The following CSMD1 variants were observed in gnomAD, a reference collection of about 807,000 sequenced individuals.
CSMD1 encodes CUB and Sushi multiple domains 1, also known as CUB and sushi domain-containing protein 1.
In CSMD1, 213 loss-of-function variants were observed where a neutral mutation model predicts 417.5. The ratio of observed to expected loss-of-function variants is 0.51; its 90% CI spans 0.46 to 0.57. The LOEUF (loss-of-function observed/expected upper bound fraction) is 0.57. Ranked by LOEUF, CSMD1 falls within the 20% of genes least tolerant of loss-of-function variation. CSMD1 has a pLI of 0.00. For missense variants in CSMD1, 6,923 were observed against 4,529.7 expected, an observed-to-expected ratio of 1.53 and a Z score of -15.17; for synonymous variants, 2,862 against 1,736.8, an observed-to-expected ratio of 1.65 and a Z score of -16.11.
chr8:3,328,128 A>G (rs1806654327), intron 23 of CSMD1, among the ~76,000 whole-genome samples: 1 of 152,158 alleles, frequency 6.6e-6, no homozygotes, highest in Non-Finnish European at 1.5e-5. Context: ...TTGTGATTCA[A>G]TGTCAAAATC....
intron 68 of CSMD1, among the ~76,000 whole-genome samples, chr8:2,945,697 C>A (rs114939247): frequency 0.016 from 2,375 of 152,238 alleles, 32 homozygotes; most frequent in Non-Finnish European, 0.019. Context: ...CCTCCGTTCC[C>A]TTCTCTTCCC....
intron 3 of CSMD1, among the ~76,000 whole-genome samples, chr8:4,164,152 A>C (rs182685676): frequency 2.6e-4 from 39 of 152,266 alleles, no homozygotes; most frequent in Non-Finnish European, 5.3e-4. Context: ...CTTAAAATGT[A>C]ATCATTAGAT....
intron 2 of CSMD1, among the ~76,000 whole-genome samples, chr8:4,553,628 C>T (rs944727395): frequency 2.6e-5 from 4 of 151,980 alleles, no homozygotes; most frequent in Admixed American, 6.6e-5. Flanking sequence ...TTAGCTCTAC[C>T]AATATAGCAT....
intron 2 of CSMD1, among the ~76,000 whole-genome samples, chr8:4,574,546 G>T (rs1484657429): frequency 6.6e-6 from 1 of 152,168 alleles, no homozygotes; most frequent in Non-Finnish European, 1.5e-5. Context: ...ACTGGGAGCT[G>T]CAGACGGGAG....
chr8:4,043,103 A>G lies in CSMD1; in HGVS notation c.416-11004T>C, dbSNP rs1183019391. Among the ~76,000 whole-genome samples, 4 of 152,134 alleles carry G rather than the reference A, an allele frequency of 2.6e-5. No homozygotes were observed. In the East Asian group the frequency reaches 5.8e-4, roughly 22 times the overall value. On this transcript the variant is annotated intron_variant, in intron 3 of 69. Coordinates refer to ENST00000635120, the MANE Select transcript of CSMD1 (RefSeq NM_033225.6). ...GCGGAAATTGCACCACTGCACTTCC[A>G]GCCTGGGTGAGACAGTGAGACTCTG...
chr8:4,905,220 C>T (rs772945744), intron 1 of CSMD1, among the ~76,000 whole-genome samples: 1 of 152,108 alleles, frequency 6.6e-6, no homozygotes, highest in East Asian at 1.9e-4. Flanking sequence ...GATTTTCATA[C>T]AGGCATTATC....
rs187167776 is a variant in CSMD1 at position 4,065,442 on chromosome 8, A to G, written c.416-33343T>C. On this transcript the variant is annotated intron_variant, in intron 3 of 69. Coordinates refer to ENST00000635120, the MANE Select transcript of CSMD1 (RefSeq NM_033225.6). ...TCTAGAGAATAATTGAATCAATATA[A>G]TAGGAAATTTGGCTTTTCTTTTACT... 1.2e-4 allele frequency among the ~76,000 whole-genome samples: 19 copies of G among 152,332 alleles called. No individual in the cohort carries two copies. In the South Asian group the frequency reaches 2.9e-3, roughly 23 times the overall value.
At chr8:3,924,344 T>C (rs1304990134) in intron 5 of CSMD1, among the ~76,000 whole-genome samples, 1 of 152,174 alleles carries the variant, frequency 6.6e-6, no homozygotes, top group Non-Finnish European at 1.5e-5. Context: ...AGTGTCTCAA[T>C]GAGAATCACT....
intron 25 of CSMD1, among the ~76,000 whole-genome samples, chr8:3,297,334 C>T (rs1368935204): frequency 2.0e-5 from 3 of 152,012 alleles, no homozygotes; most frequent in Non-Finnish European, 4.4e-5. Context: ...TTCTGAAATT[C>T]ATATGGAAGT....
At chr8:4,519,947 G>C (rs1485121124) in intron 2 of CSMD1, among the ~76,000 whole-genome samples, 2 of 149,228 alleles carry the variant, frequency 1.3e-5, no homozygotes, top group Non-Finnish European at 3.0e-5. Context: ...GTGTGTGTGT[G>C]TGTGTGTGTG....
chr8:4,177,076 G>A lies in CSMD1; in HGVS notation c.416-144977C>T, dbSNP rs188544722. On this transcript the variant is annotated intron_variant, in intron 3 of 69. Transcript: ENST00000635120. ...AATTGAACTCATCTCTGCACCAAGC[G>A]GACCTAATAGACATCTACAGAACTC... 1.1e-3 allele frequency among the ~76,000 whole-genome samples: 168 copies of A among 152,122 alleles called. 1 individual carries two copies. Among genetic ancestry groups the A allele is most frequent in the African/African-American group, 3.2e-3 (134 of 41,480 alleles).
At chr8:2,992,758 T>C (rs1341309204) in intron 54 of CSMD1, among the ~76,000 whole-genome samples, 12 of 151,644 alleles carry the variant, frequency 7.9e-5, no homozygotes, top group Non-Finnish European at 1.2e-4. Flanking sequence ...CTGATTTTCT[T>C]TTGAGATGGG....
chr8:4,164,268 A>G (rs1173736623), intron 3 of CSMD1, among the ~76,000 whole-genome samples: 1 of 152,206 alleles, frequency 6.6e-6, no homozygotes, highest in Non-Finnish European at 1.5e-5. Flanking sequence ...GTTAAAAAAG[A>G]TTAATTTTCT....
chr8:4,969,291 C>A (rs1007485741), intron 1 of CSMD1, among the ~76,000 whole-genome samples: 3 of 151,748 alleles, frequency 2.0e-5, no homozygotes, highest in Admixed American at 6.6e-5. Flanking sequence ...TTTGCTAGGG[C>A]AAAATATTTT....
chr8:3,110,301 G>C lies in CSMD1; in HGVS notation c.6465C>G (p.Gly2155=). The part of the protein sequence containing the change: ...PCGYNVTSQN[G]TIYSPGFPDE... ...CAGGAAAGCCAGGGGAGTAGATGGT[G>C]CCGTTCTGAGAAGTTACGTTGTACC... The change falls in exon 43 of 70, where the codon GGC becomes GGG. Residue 2155 remains glycine, a synonymous_variant. Coordinates refer to ENST00000635120, the MANE Select transcript of CSMD1 (RefSeq NM_033225.6). 6.2e-7 allele frequency: 1 copy of C among 1,613,016 alleles called. No individual in the cohort carries two copies. Among genetic ancestry groups the C allele is most frequent in the South Asian group, 1.1e-5 (1 of 90,738 alleles).
intron 5 of CSMD1, among the ~76,000 whole-genome samples, chr8:3,921,198 T>A (rs1008950774): frequency 6.6e-6 from 1 of 152,162 alleles, no homozygotes; most frequent in Non-Finnish European, 1.5e-5. Flanking sequence ...TGGTAGGTTA[T>A]CCACATTTTG....
chr8:4,371,742 C>A (rs192650352), intron 3 of CSMD1, among the ~76,000 whole-genome samples: 1 of 152,110 alleles, frequency 6.6e-6, no homozygotes, highest in Admixed American at 6.6e-5. Flanking sequence ...ATTTTTCAAA[C>A]GCCTAAGGTC....
chr8:4,240,252 GC>G, intron 3 of CSMD1, among the ~76,000 whole-genome samples: 1 of 152,344 alleles, frequency 6.6e-6, no homozygotes, highest in Non-Finnish European at 1.5e-5. Flanking sequence ...TTCATGAGGG[GC>G]TGGCAGCCTT....
intron 28 of CSMD1, among the ~76,000 whole-genome samples, chr8:3,222,886 G>A (rs1798296077): frequency 6.6e-6 from 1 of 152,148 alleles, no homozygotes; most frequent in Non-Finnish European, 1.5e-5. Context: ...AGAAAGTGAG[G>A]GTATGTAAAC....
Sources: gnomAD v4.1 joint callset for allele counts (sites outside exome capture counted in the v4.1 genomes callset) on GRCh38, gnomAD v4.1.1 for gene constraint, MANE v1.5 for transcripts, NCBI Gene and HGNC (gene_info 2026-07-23, HGNC 2026-07-21) for gene names.